The following MUL1 variants were observed in gnomAD, a reference collection of about 807,000 sequenced individuals.
The protein encoded by MUL1 is mitochondrial E3 ubiquitin protein ligase 1, also known as mitochondrial ubiquitin ligase activator of NFKB 1.
Under a neutral mutation model 34.1 loss-of-function variants are expected in MUL1, and 30 were observed. That is an observed-to-expected ratio of 0.88 (90% CI 0.66 to 1.19). The LOEUF (loss-of-function observed/expected upper bound fraction) is 1.19, where lower values mean the gene tolerates loss of function less well. MUL1 is among the 50% of genes most tolerant of loss of function. MUL1 has a pLI of 0.00. For missense variants in MUL1, 419 were observed against 450.5 expected, an observed-to-expected ratio of 0.93 and a Z score of 0.63; for synonymous variants, 191 against 187.8, an observed-to-expected ratio of 1.02 and a Z score of -0.14.
chr1:20,508,062 G>C lies in MUL1; in HGVS notation c.-38C>G. 1.3e-6 allele frequency: 2 copies of C among 1,566,860 alleles called. No individual in the cohort carries two copies. The highest frequency in any genetic ancestry group is 1.2e-5 in the South Asian group (1 of 85,220). ...CCCCGGTGGCCGACTGTGGCGCCAA[G>C]GATAGGCCTGGTGACCCCCGACTCT... On this transcript the variant is annotated 5_prime_UTR_variant, in exon 1 of 4. Transcript: ENST00000264198.
intron 1 of MUL1, among the ~76,000 whole-genome samples, chr1:20,506,903 A>G (rs1455778840): frequency 1.3e-5 from 2 of 151,098 alleles, no homozygotes; most frequent in African/African-American, 2.4e-5. Context: ...GAAAGGAAAA[A>G]AAATTATTGT....
rs954419003 is a variant in MUL1, at chr1:20,500,718, G to C, written c.1031C>G (p.Thr344Ser). ...GCTGTTGTACAGGGGTATCACCCGG[G>C]TGATCGCCTGTCTGCAGATAGGGCA... ...KKCPICRQAITRVIPLYNS is the reference protein window; with the variant it reads ...KKCPICRQAISRVIPLYNS The change falls in exon 4 of 4, where the codon ACC (threonine) becomes AGC (serine). Residue 344 changes from threonine to serine, a missense_variant. Transcript: ENST00000264198. 8 of 1,596,346 alleles carry C rather than the reference G, an allele frequency of 5.0e-6. No homozygotes were observed. Among genetic ancestry groups the C allele is most frequent in the Non-Finnish European group, 6.0e-6 (7 of 1,170,434 alleles).
chr1:20,502,933 T>A (rs188208646), intron 2 of MUL1, among the ~76,000 whole-genome samples: 177 of 152,282 alleles, frequency 1.2e-3, no homozygotes, highest in Middle Eastern at 6.8e-3. Context: ...CTGATCACCA[T>A]AAGTCACATT....
At chr1:20,505,980 C>A (rs1191135612) in intron 1 of MUL1, among the ~76,000 whole-genome samples, 1 of 152,162 alleles carries the variant, frequency 6.6e-6, no homozygotes, top group Non-Finnish European at 1.5e-5. Flanking sequence ...TGGAATCTCA[C>A]TATAACGCCA....
At position 20,500,758 on chromosome 1, in the gene MUL1, G is replaced by A; in HGVS notation, c.991C>T (p.Pro331Ser). The A allele has an allele frequency of 6.2e-7, 1 of 1,612,960 alleles. No homozygotes were observed. The highest frequency in any genetic ancestry group is 8.5e-7 in the Non-Finnish European group (1 of 1,179,492). The change falls in exon 4 of 4, where the codon CCA becomes TCA. Residue 331 changes from proline (P) to serine (S), a missense_variant. Pro to Ser is a moderately conservative substitution (Grantham distance 74). Coordinates refer to ENST00000264198, the MANE Select transcript of MUL1 (RefSeq NM_024544.3). The stretch of plus-strand genomic sequence containing the variant: ...CAGATAGGGCACTTCTTGGGCTCTG[G>A]CAAGGCGCGGTAGCACTCGGTGCAG... ...CSCTECYRAL[P>S]EPKKCPICRQ...
At chr1:20,503,403 T>C (rs2051684068) in intron 1 of MUL1, 94 bp from the exon 2 acceptor site, 3 of 727,902 alleles carry the variant, frequency 4.1e-6, no homozygotes, top group Non-Finnish European at 6.6e-6. Flanking sequence ...ATTCTATTTT[T>C]TTCGTGTCAA....
Position 20,500,931 on chromosome 1 carries a change from T to C in MUL1, c.818A>G (p.Lys273Arg), listed in dbSNP as rs749366428. 6.2e-6 allele frequency: 10 copies of C among 1,613,988 alleles called. No individual in the cohort carries two copies. In the East Asian group the frequency reaches 6.7e-5, roughly 11 times the overall value. ...CTCCTGGAACTCCTCCTGCATCTGC[T>C]TGAGGCGCAGGCGCTCCTGCCGCTG... ...YLQRQERLRL[K>R]QMQEEFQEHE... The change falls in exon 4 of 4, where the codon AAG (lysine) becomes AGG (arginine). Residue 273 changes from lysine (K) to arginine (R), a missense_variant. Physicochemically the swap from Lys to Arg is conservative, Grantham distance 26 (BLOSUM62 2). Transcript: ENST00000264198.
intron 2 of MUL1, 137 bp from the exon 3 acceptor site, chr1:20,502,326 A>G: frequency 8.5e-7 from 1 of 1,177,436 alleles, no homozygotes; most frequent in Non-Finnish European, 1.2e-6. Context: ...AGTCAGAAGG[A>G]TCACTTGGGG....
chr1:20,500,723 C>T lies in MUL1; in HGVS notation c.1026G>A (p.Ala342=), dbSNP rs595980. 0.18 allele frequency: 285,859 copies of T among 1,597,566 alleles called. 28,302 individuals carry two copies. Among genetic ancestry groups the T allele is most frequent in the Non-Finnish European group, 0.21 (241,831 of 1,170,868 alleles). ...TGTACAGGGGTATCACCCGGGTGATCGCCTGTCTGCAGATAGGGCACTTCT... is the reference window on the plus strand; with the variant it reads ...TGTACAGGGGTATCACCCGGGTGATTGCCTGTCTGCAGATAGGGCACTTCT... ...EPKKCPICRQ[A]ITRVIPLYNS is the part of the protein sequence containing the mutation. Residue 342 remains alanine (A), a synonymous_variant, in exon 4 of 4, where the codon GCG becomes GCA. Coordinates refer to ENST00000264198, the MANE Select transcript of MUL1 (RefSeq NM_024544.3).
At position 20,507,985 on chromosome 1, in the gene MUL1, G is replaced by A. The variant is rs1375962873; in HGVS notation, c.40C>T (p.Leu14Phe). 1.3e-6 allele frequency: 2 copies of A among 1,591,744 alleles called. No individual in the cohort carries two copies. The highest frequency in any genetic ancestry group is 2.3e-5 in the East Asian group (1 of 44,090). The change falls in exon 1 of 4, where the codon CTC (leucine) becomes TTC (phenylalanine). Residue 14 changes from leucine (L) to phenylalanine (F), a missense_variant. Transcript: ENST00000264198. ...GTGACCACAGAGGTGGTGCCCAGGA[G>A]GATGAACTGGCACAGCGAGGGCCGC... Reference protein sequence around the residue: ...GGRPSLCQFILLGTTSVVTAA... With the variant: ...GGRPSLCQFIFLGTTSVVTAA...
intron 2 of MUL1, among the ~76,000 whole-genome samples, chr1:20,502,572 T>C (rs1390710161): frequency 6.6e-6 from 1 of 152,142 alleles, no homozygotes; most frequent in Non-Finnish European, 1.5e-5. Context: ...CTCACTCTGT[T>C]ACCCAGGCTG....
At position 20,501,001 on chromosome 1, in the gene MUL1, C is replaced by T. The variant is rs1328550501; in HGVS notation, c.748G>A (p.Ala250Thr). Residue 250 changes from alanine to threonine, a missense_variant, in exon 4 of 4, where the codon GCC (alanine) becomes ACC (threonine). Physicochemically the swap from Ala to Thr is moderately conservative, Grantham distance 58. Coordinates refer to ENST00000264198, the MANE Select transcript of MUL1 (RefSeq NM_024544.3). This position sits in a 1 kb window ranked among gnomAD's most constrained non-coding sequence, Gnocchi z 4.2. ...WKVLALVFGF[A>T]TCATLFFILR... ...ATGAAGAAGAGGGTGGCACATGTGG[C>T]AAAGCCAAAAACCAGCGCCAGCACC... 2 of 1,613,924 alleles carry T rather than the reference C, an allele frequency of 1.2e-6. No individual in the cohort carries two copies. The highest frequency in any genetic ancestry group is 1.7e-6 in the Non-Finnish European group (2 of 1,180,042).
chr1:20,506,807 G>A (rs2051718651), intron 1 of MUL1, among the ~76,000 whole-genome samples: 1 of 149,744 alleles, frequency 6.7e-6, no homozygotes, highest in African/African-American at 2.5e-5. Flanking sequence ...CCAAGATCGT[G>A]CCATTGCACT....
intron 2 of MUL1, among the ~76,000 whole-genome samples, chr1:20,502,731 A>G (rs2051676008): frequency 1.3e-5 from 2 of 152,106 alleles, no homozygotes; most frequent in African/African-American, 4.8e-5. Flanking sequence ...ACGGGGTTTC[A>G]TCATGTCGAC....
intron 1 of MUL1, among the ~76,000 whole-genome samples, chr1:20,506,183 A>G (rs1051860967): frequency 2.0e-5 from 3 of 152,168 alleles, no homozygotes; most frequent in African/African-American, 7.2e-5. Flanking sequence ...CTGATAATTA[A>G]GTTAGTCAGG....
chr1:20,505,717 T>C (rs2051707983), intron 1 of MUL1, among the ~76,000 whole-genome samples: 1 of 144,140 alleles, frequency 6.9e-6, no homozygotes, highest in Non-Finnish European at 1.5e-5. Context: ...AAATAGAAAA[T>C]AGAATCTAAA....
At position 20,501,297 on chromosome 1, in the gene MUL1, C is replaced by T; in HGVS notation, c.452G>A (p.Gly151Asp). The change falls in exon 4 of 4, where the codon GGT becomes GAT. Residue 151 changes from glycine to aspartate, a missense_variant. By Grantham distance (94) the Gly-to-Asp change is moderately conservative. Transcript: ENST00000264198. This position sits in a 1 kb window ranked among gnomAD's most constrained non-coding sequence, Gnocchi z 4.2. ...VLKPLDSVDLGLETVYEKFHP... is the reference protein window; with the variant it reads ...VLKPLDSVDLDLETVYEKFHP... Reference sequence around the variant, plus strand: ...GAACTTCTCATACACAGTCTCTAGACCCAGATCCACTGAGTCCAGGGGCTT... The same window carrying T: ...GAACTTCTCATACACAGTCTCTAGATCCAGATCCACTGAGTCCAGGGGCTT... The T allele has an allele frequency of 3.1e-6, 5 of 1,614,148 alleles. No homozygotes were observed. The highest frequency in any genetic ancestry group is 1.1e-5 in the South Asian group (1 of 91,080).
In MUL1 at chr1:20,507,765, A is replaced by G. The variant is rs1419114994; in HGVS notation, c.120+140T>C. 5 of 1,238,468 alleles carry G rather than the reference A, an allele frequency of 4.0e-6. No homozygotes were observed. The African/African-American group carries it at 7.6e-5, about 19-fold the overall frequency. 76.7% of individuals were successfully genotyped at this position (1,238,468 alleles called of 1,614,324 possible). A position where few individuals can be genotyped will look rare whatever the true frequency, so the allele number is the denominator to read the frequency against. The stretch of plus-strand genomic sequence containing the variant: ...AATCCTGCCCCTCGCTCCTCCATCT[A>G]CTGGCTGGATGACACCCTTCAGAGG... On this transcript the variant is annotated intron_variant, in intron 1 of 3. Transcript: ENST00000264198.
Position 20,499,785 on chromosome 1 carries a change from T to A in MUL1, c.*905A>T, listed in dbSNP as rs769816599. The A allele has an allele frequency of 6.6e-6, 1 of 152,244 alleles. No individual in the cohort carries two copies. The highest frequency in any genetic ancestry group is 2.4e-5 in the African/African-American group (1 of 41,458). The allele number at this position is 152,244 out of a possible 1,614,324, so 9.4% of individuals were successfully genotyped here. On this transcript the variant is annotated 3_prime_UTR_variant, in exon 4 of 4. Transcript: ENST00000264198. ...GATGAGGGAGCCCCAAGAGGGCATATGCTCAGGGTGCCAGCCGGCTGCTTT... is the reference window on the plus strand; with the variant it reads ...GATGAGGGAGCCCCAAGAGGGCATAAGCTCAGGGTGCCAGCCGGCTGCTTT...
Sources: gnomAD v4.1 joint callset for allele counts (sites outside exome capture counted in the v4.1 genomes callset) on GRCh38, gnomAD v4.1.1 for gene constraint, Gnocchi (gnomAD v3.1) non-coding constraint, MANE v1.5 for transcripts, NCBI Gene and HGNC (gene_info 2026-07-23, HGNC 2026-07-21) for gene names.